Variants in NRXN2 observed in about 807,000 individuals in gnomAD.
The protein encoded by NRXN2 is neurexin 2.
Under a neutral mutation model 128.8 loss-of-function variants are expected in NRXN2, and 29 were observed. The observed-to-expected ratio is 0.23, with a 90% CI of 0.17 to 0.31. The LOEUF (loss-of-function observed/expected upper bound fraction) is 0.31. NRXN2 is among the 10% of genes least tolerant of loss of function. The pLI is 1.00. For missense variants in NRXN2, 1,881 were observed against 2,452.6 expected, an observed-to-expected ratio of 0.77 and a Z score of 4.92; for synonymous variants, 1,098 against 1,075.2, an observed-to-expected ratio of 1.02 and a Z score of -0.41.
In NRXN2 at chr11:64,648,717, C is replaced by T. The variant is rs2047062903; in HGVS notation, c.3283+17G>A. The T allele has an allele frequency of 6.2e-7, 1 of 1,612,904 alleles. No individual in the cohort carries two copies. Among genetic ancestry groups the T allele is most frequent in the Non-Finnish European group, 8.5e-7 (1 of 1,179,886 alleles). ...TAGCCAGTAGGGCCACACCTCACTC[C>T]TCCACCCTCCACTCACCATCACAGC... On this transcript the variant is annotated intron_variant, in intron 16 of 22. Transcript: ENST00000265459. This position sits in a 1 kb window ranked among gnomAD's most constrained non-coding sequence, Gnocchi z 4.1.
intron 2 of NRXN2, among the ~76,000 whole-genome samples, chr11:64,702,401 C>G (rs949307081): frequency 1.3e-5 from 2 of 151,906 alleles, no homozygotes; most frequent in Non-Finnish European, 2.9e-5. Context: ...GGATGGTTGC[C>G]GTGTCTGTGT....
chr11:64,707,461 C>T, intron 2 of NRXN2, among the ~76,000 whole-genome samples: 1 of 151,780 alleles, frequency 6.6e-6, no homozygotes, highest in East Asian at 1.9e-4. Flanking sequence ...GTAGAGAAGA[C>T]AGATTTAAAC....
intron 7 of NRXN2, among the ~76,000 whole-genome samples, chr11:64,670,475 G>A (rs751032027): frequency 1.3e-5 from 2 of 152,108 alleles, no homozygotes; most frequent in African/African-American, 2.4e-5. Flanking sequence ...CAGGGAGTGG[G>A]TAATAGGCTG....
At chr11:64,697,729 C>G (rs1370029901) in intron 3 of NRXN2, 46 bp downstream of exon 3, 1 of 1,611,378 alleles carries the variant, frequency 6.2e-7, no homozygotes, top group Non-Finnish European at 8.5e-7. Flanking sequence ...GTAGGATCCC[C>G]ATGGCAACAG....
Position 64,624,536 on chromosome 11 carries a change from C to T in NRXN2, c.3848-1458G>A, listed in dbSNP as rs376330935. Among the ~76,000 whole-genome samples the T allele has an allele frequency of 2.0e-5, 3 of 152,214 alleles. No individual in the cohort carries two copies. In the East Asian group the frequency reaches 5.8e-4, roughly 29 times the overall value. ...CAGACCCAGAGAGGCCCAGGAAGAC[C>T]TCTGCATCAAAGTTTTTTCCCAGAC... is the stretch of plus-strand genomic sequence containing the variant. On this transcript the variant is annotated intron_variant, in intron 20 of 22. Transcript: ENST00000265459.
At chr11:64,626,330 T>G in intron 20 of NRXN2, 133 bp downstream of exon 20, 1 of 707,516 alleles carries the variant, frequency 1.4e-6, no homozygotes, top group Non-Finnish European at 2.4e-6. Context: ...AAGGGAGCAT[T>G]CTGGCTGGCC....
At position 64,630,423 on chromosome 11, in the gene NRXN2, C is replaced by A. The variant is rs1168847300; in HGVS notation, c.3736G>T (p.Val1246Phe). 1 of 1,612,672 alleles carries A rather than the reference C, an allele frequency of 6.2e-7. No homozygotes were observed. Among genetic ancestry groups the A allele is most frequent in the Admixed American group, 1.7e-5 (1 of 60,008 alleles). ...NATLQVDSWP[V>F]NERYPAGNFD... is the part of the protein sequence containing the mutation. The stretch of plus-strand genomic sequence containing the variant: ...CTACCTGCCGGGTACCGCTCGTTGA[C>A]CGGCCAGCTGTCCACCTGCAGGGTG... The change falls in exon 19 of 23, where the codon GTC (valine) becomes TTC (phenylalanine). Residue 1246 changes from valine to phenylalanine, a missense_variant. By Grantham distance (50) the Val-to-Phe change is conservative. Coordinates refer to ENST00000265459, the MANE Select transcript of NRXN2 (RefSeq NM_015080.4). This position sits in a 1 kb window ranked among gnomAD's most constrained non-coding sequence, Gnocchi z 4.6.
intron 20 of NRXN2, 31 bp downstream of exon 20, chr11:64,626,428 GTTAA>G (rs781331951): frequency 6.3e-5 from 93 of 1,480,062 alleles, no homozygotes; most frequent in Non-Finnish European, 7.0e-5. Flanking sequence ...TGTTTTTAAA[GTTAA>G]TTAATTAATT....
chr11:64,704,321 A>C (rs1265316229), intron 2 of NRXN2, among the ~76,000 whole-genome samples: 5 of 152,136 alleles, frequency 3.3e-5, no homozygotes, highest in Admixed American at 3.3e-4. Context: ...AGGGAAAAGA[A>C]AAGACTCTAA....
In NRXN2 at chr11:64,651,314, C is replaced by A; in HGVS notation, c.2859G>T (p.Gly953=). 14 of 1,614,204 alleles carry A rather than the reference C, an allele frequency of 8.7e-6. No individual in the cohort carries two copies. Among genetic ancestry groups the A allele is most frequent in the Non-Finnish European group, 1.0e-5 (12 of 1,180,038 alleles). ...CGTTGCCCGAGTTGAACAGAAGAAG[C>A]CCATCAGGGGCCGTGGTCTTGAACT... is the stretch of plus-strand genomic sequence containing the variant. ...FFQFKTTAPD[G]LLLFNSGNGN... Residue 953 remains glycine, a synonymous_variant, in exon 14 of 23, where the codon GGG becomes GGT. Transcript: ENST00000265459. This position sits in a 1 kb window ranked among gnomAD's most constrained non-coding sequence, Gnocchi z 5.9.
At chr11:64,637,604 T>G (rs1349104424) in intron 17 of NRXN2, among the ~76,000 whole-genome samples, 1 of 152,120 alleles carries the variant, frequency 6.6e-6, no homozygotes, top group Non-Finnish European at 1.5e-5. Flanking sequence ...GCAGAGATGC[T>G]GACCTTCCTC....
At chr11:64,664,427 G>A (rs973482427) in intron 9 of NRXN2, among the ~76,000 whole-genome samples, 7 of 149,418 alleles carry the variant, frequency 4.7e-5, no homozygotes, top group South Asian at 4.2e-4. Context: ...GCAGTGAGCC[G>A]AGATTGCGCC....
rs1242250121 is a variant in NRXN2 at position 64,607,517 on chromosome 11, G to A, written c.4818C>T (p.Phe1606=). The A allele has an allele frequency of 3.1e-6, 5 of 1,587,826 alleles. No homozygotes were observed. Among genetic ancestry groups the A allele is most frequent in the Non-Finnish European group, 4.3e-6 (5 of 1,169,826 alleles). ...TGGGGTTGGCTGTGGGCAGATGGGG[G>A]AAGCCGGGGGCTGAGGTCACGCCGG... is the stretch of plus-strand genomic sequence containing the variant. ...LRPGVTSAPG[F]PHLPTANPTG... Residue 1606 remains phenylalanine, a synonymous_variant, in exon 23 of 23, where the codon TTC becomes TTT. Coordinates refer to ENST00000265459, the MANE Select transcript of NRXN2 (RefSeq NM_015080.4).
chr11:64,635,530 A>G lies in NRXN2; in HGVS notation c.3404-78T>C. On this transcript the variant is annotated intron_variant, in intron 17 of 22. Transcript: ENST00000265459. The surrounding 1 kb of genome is among the most constrained non-coding windows in gnomAD (Gnocchi z 4.8). ...TCAGCAGGTCCTCAGGGTTGTGACC[A>G]GAGGGATGGAACCCCAGGTCTAGAT... is the stretch of plus-strand genomic sequence containing the variant. 9 of 1,472,590 alleles carry G rather than the reference A, an allele frequency of 6.1e-6. No individual in the cohort carries two copies. Among genetic ancestry groups the G allele is most frequent in the African/African-American group, 1.4e-5 (1 of 72,268 alleles). 91.2% of individuals were successfully genotyped at this position (1,472,590 alleles called of 1,614,324 possible). A position where few individuals can be genotyped will look rare whatever the true frequency, so the allele number is the denominator to read the frequency against.
At chr11:64,640,418 A>G (rs1046292404) in intron 17 of NRXN2, among the ~76,000 whole-genome samples, 3 of 151,992 alleles carry the variant, frequency 2.0e-5, no homozygotes, top group Admixed American at 2.0e-4. Context: ...TCCTTTATCT[A>G]TCTGACTCCT....
Position 64,635,513 on chromosome 11 carries a change from T to C in NRXN2, c.3404-61A>G. 2 of 1,577,184 alleles carry C rather than the reference T, an allele frequency of 1.3e-6. No individual in the cohort carries two copies. The highest frequency in any genetic ancestry group is 1.7e-5 in the Admixed American group (1 of 57,516). Reference sequence around the variant, plus strand: ...ACATCAGGAGGACGAGGTCAGCAGGTCCTCAGGGTTGTGACCAGAGGGATG... The same window carrying C: ...ACATCAGGAGGACGAGGTCAGCAGGCCCTCAGGGTTGTGACCAGAGGGATG... On this transcript the variant is annotated intron_variant, in intron 17 of 22. Transcript: ENST00000265459. The surrounding 1 kb of genome is among the most constrained non-coding windows in gnomAD (Gnocchi z 4.8).
chr11:64,666,552 A>G (rs1021813710), intron 9 of NRXN2, among the ~76,000 whole-genome samples: 1 of 151,220 alleles, frequency 6.6e-6, no homozygotes, highest in Non-Finnish European at 1.5e-5. Context: ...GAAGGGAGGC[A>G]TGGCTGGGAA....
chr11:64,672,360 A>AT (rs2050749004), intron 7 of NRXN2, among the ~76,000 whole-genome samples: 1 of 152,260 alleles, frequency 6.6e-6, no homozygotes, highest in Non-Finnish European at 1.5e-5. Flanking sequence ...TGCCTTAGGA[A>AT]GAAAGGCTGA....
intron 9 of NRXN2, chr11:64,661,351 T>C (rs1015464341): frequency 6.9e-7 from 1 of 1,450,008 alleles, no homozygotes; most frequent in African/African-American, 1.4e-5. Context: ...GAGGCTTCTG[T>C]GACGCAGCCC....
Sources: gnomAD v4.1 joint callset for allele counts (sites outside exome capture counted in the v4.1 genomes callset) on GRCh38, gnomAD v4.1.1 for gene constraint, Gnocchi (gnomAD v3.1) non-coding constraint, MANE v1.5 for transcripts, NCBI Gene and HGNC (gene_info 2026-07-23, HGNC 2026-07-21) for gene names.